NLGN1: variants seen among roughly 807,000 people sequenced by gnomAD.
NLGN1 encodes the protein neuroligin 1.
Under a neutral mutation model 65.5 loss-of-function variants are expected in NLGN1, and 12 were observed. That is an observed-to-expected ratio of 0.18 (90% CI 0.12 to 0.30). NLGN1 has a LOEUF of 0.30. Ranked by LOEUF, NLGN1 falls within the 10% of genes least tolerant of loss-of-function variation. NLGN1 has a pLI of 1.00. For missense variants in NLGN1, 750 were observed against 1,007.1 expected, an observed-to-expected ratio of 0.74 and a Z score of 3.46; for synonymous variants, 350 against 359.5, an observed-to-expected ratio of 0.97 and a Z score of 0.30.
At chr3:173,778,005 T>G (rs541958685) in intron 3 of NLGN1, among the ~76,000 whole-genome samples, 62 of 151,982 alleles carry the variant, frequency 4.1e-4, no homozygotes, top group African/African-American at 1.5e-3. Flanking sequence ...GTATATTCCT[T>G]AAGTACTATA....
At chr3:173,580,379 G>A (rs1746201719) in intron 2 of NLGN1, among the ~76,000 whole-genome samples, 1 of 151,854 alleles carries the variant, frequency 6.6e-6, no homozygotes, top group Non-Finnish European at 1.5e-5. Flanking sequence ...ACCAATCTTG[G>A]TCTTTTATTT....
At chr3:173,929,129 A>C (rs1490743115) in intron 4 of NLGN1, among the ~76,000 whole-genome samples, 1 of 152,222 alleles carries the variant, frequency 6.6e-6, no homozygotes, top group Non-Finnish European at 1.5e-5. Flanking sequence ...TGGAAAAATT[A>C]GATATATTCC....
chr3:173,806,955 G>C (rs1439311102), intron 3 of NLGN1, among the ~76,000 whole-genome samples: 2 of 152,078 alleles, frequency 1.3e-5, no homozygotes, highest in Non-Finnish European at 2.9e-5. Flanking sequence ...CACAAAGAAA[G>C]TGAAAAAATA....
At chr3:173,956,658 A>C (rs1712132225) in intron 4 of NLGN1, among the ~76,000 whole-genome samples, 2 of 152,144 alleles carry the variant, frequency 1.3e-5, no homozygotes, top group African/African-American at 4.8e-5. Context: ...TGAAGTCCTA[A>C]ATACACTTAA....
intron 3 of NLGN1, among the ~76,000 whole-genome samples, chr3:173,741,167 C>T (rs1774581039): frequency 6.6e-6 from 1 of 152,066 alleles, no homozygotes; most frequent in African/African-American, 2.4e-5. Context: ...TTGTTAGAAT[C>T]AGTGCAGTAA....
chr3:173,709,178 C>T (rs2149930963), intron 3 of NLGN1, among the ~76,000 whole-genome samples: 1 of 152,310 alleles, frequency 6.6e-6, no homozygotes, highest in South Asian at 2.1e-4. Context: ...GTTTATTTCT[C>T]ATTTGCGCTG....
At chr3:173,904,242 A>ATTTTTTAATC (rs1232182573) in intron 4 of NLGN1, among the ~76,000 whole-genome samples, 3 of 151,864 alleles carry the variant, frequency 2.0e-5, no homozygotes, top group Non-Finnish European at 4.4e-5. Flanking sequence ...TCCCTTTCTC[A>ATTTTTTAATC]TTTTTTAATC....
chr3:173,439,754 A>G (rs1718816294), intron 2 of NLGN1, among the ~76,000 whole-genome samples: 1 of 152,136 alleles, frequency 6.6e-6, no homozygotes, highest in African/African-American at 2.4e-5. Flanking sequence ...AAAATACTTA[A>G]AGCTAAAATG....
chr3:174,079,232 T>C (rs1560991225), intron 4 of NLGN1, among the ~76,000 whole-genome samples: 1 of 151,122 alleles, frequency 6.6e-6, no homozygotes, highest in Non-Finnish European at 1.5e-5. Flanking sequence ...GCAAAGGACA[T>C]GAACAGAAAA....
chr3:173,474,343 T>C (rs1725823261), intron 2 of NLGN1, among the ~76,000 whole-genome samples: 1 of 152,110 alleles, frequency 6.6e-6, no homozygotes, highest in Non-Finnish European at 1.5e-5. Flanking sequence ...ATACTGAAAT[T>C]CACAGATTGG....
chr3:173,963,316 T>A (rs1416660742), intron 4 of NLGN1, among the ~76,000 whole-genome samples: 1 of 152,198 alleles, frequency 6.6e-6, no homozygotes, highest in Non-Finnish European at 1.5e-5. Flanking sequence ...ACATTTATTT[T>A]AGGTTTTAAA....
intron 4 of NLGN1, among the ~76,000 whole-genome samples, chr3:173,950,346 T>C (rs1289748568): frequency 6.6e-6 from 1 of 152,256 alleles, no homozygotes; most frequent in Non-Finnish European, 1.5e-5. Context: ...ACAAAAAATA[T>C]GGTATCAGAT....
intron 4 of NLGN1, among the ~76,000 whole-genome samples, chr3:173,958,926 G>A (rs912825982): frequency 2.6e-5 from 4 of 152,314 alleles, no homozygotes; most frequent in Admixed American, 1.3e-4. Flanking sequence ...GAGCATGCAC[G>A]CACCTGGCCG....
chr3:173,946,920 G>A (rs1747280281), intron 4 of NLGN1, among the ~76,000 whole-genome samples: 1 of 152,142 alleles, frequency 6.6e-6, no homozygotes, highest in Admixed American at 6.5e-5. Flanking sequence ...GGGCTCTAGG[G>A]CATCAGAAAA....
At chr3:173,494,950 C>T (rs2149029415) in intron 2 of NLGN1, among the ~76,000 whole-genome samples, 1 of 151,772 alleles carries the variant, frequency 6.6e-6, no homozygotes. Flanking sequence ...AGTGTAAATC[C>T]TCTAACTTTG....
chr3:174,139,916 CT>C, intron 4 of NLGN1, among the ~76,000 whole-genome samples: 1 of 152,160 alleles, frequency 6.6e-6, no homozygotes, highest in East Asian at 1.9e-4. Flanking sequence ...CTATTTAAGT[CT>C]TTTGTTCATT....
chr3:173,405,809 T>A (rs960602276), intron 1 of NLGN1, among the ~76,000 whole-genome samples: 1 of 152,116 alleles, frequency 6.6e-6, no homozygotes, highest in African/African-American at 2.4e-5. Flanking sequence ...TTTCTAGTGA[T>A]CCCTTCACTC....
chr3:174,221,648 T>G (rs915352816), intron 4 of NLGN1, among the ~76,000 whole-genome samples: 3 of 151,996 alleles, frequency 2.0e-5, no homozygotes, highest in African/African-American at 7.2e-5. Flanking sequence ...TTCCTAGGGC[T>G]GCTGTAACAA....
intron 3 of NLGN1, among the ~76,000 whole-genome samples, chr3:173,794,157 C>A (rs926483154): frequency 6.6e-6 from 1 of 152,106 alleles, no homozygotes; most frequent in Middle Eastern, 3.2e-3. Context: ...AGCCCTCAGG[C>A]CACATTACAC....
Sources: allele counts gnomAD v4.1 joint callset (sites outside exome capture counted in the v4.1 genomes callset), GRCh38; gene constraint gnomAD v4.1.1; transcripts MANE v1.5; gene names NCBI Gene and HGNC (gene_info 2026-07-23, HGNC 2026-07-21).